The following BBX variants were observed in gnomAD, a reference collection of about 807,000 sequenced individuals.
The protein encoded by BBX is BBX high mobility group box domain containing, also known as HMG box transcription factor BBX.
A neutral mutation model predicts 100.2 loss-of-function variants in BBX; 30 were observed. That is an observed-to-expected ratio of 0.30 (90% CI 0.22 to 0.41). The LOEUF is 0.41. BBX is among the 10% of genes least tolerant of loss of function. BBX has a pLI of 1.00. For synonymous variants in BBX, 376 were observed against 388.1 expected (o/e 0.97, Z 0.37); for missense variants, 1,023 against 1,129.8 (o/e 0.91, Z 1.35).
intron 2 of BBX, among the ~76,000 whole-genome samples, chr3:107,641,481 C>T (rs929667450): frequency 6.6e-6 from 1 of 152,220 alleles, no homozygotes; most frequent in African/African-American, 2.4e-5. Flanking sequence ...AAGGGCCCAT[C>T]TGAACCAATG....
intron 10 of BBX, among the ~76,000 whole-genome samples, chr3:107,768,030 T>C (rs911435703): frequency 6.6e-6 from 1 of 152,198 alleles, no homozygotes; most frequent in Non-Finnish European, 1.5e-5. Context: ...ACCTGTCCCA[T>C]GGGCTTCAGT....
At chr3:107,799,563 A>G (rs189149414) in intron 16 of BBX, among the ~76,000 whole-genome samples, 10 of 152,168 alleles carry the variant, frequency 6.6e-5, no homozygotes, top group Non-Finnish European at 1.0e-4. Flanking sequence ...TAAAGATACT[A>G]GATGAATCAG....
intron 10 of BBX, among the ~76,000 whole-genome samples, chr3:107,762,534 G>A (rs1052170231): frequency 3.9e-5 from 6 of 152,310 alleles, no homozygotes; most frequent in Admixed American, 3.3e-4. Flanking sequence ...TGGGAGAAAT[G>A]CACATCCTGA....
At chr3:107,599,011 C>G (rs1342562840) in intron 2 of BBX, among the ~76,000 whole-genome samples, 1 of 152,016 alleles carries the variant, frequency 6.6e-6, no homozygotes, top group Non-Finnish European at 1.5e-5. Context: ...ATTAACAGGT[C>G]AGAGTAGAGG....
chr3:107,698,957 G>T (rs1414561549), intron 3 of BBX, among the ~76,000 whole-genome samples: 1 of 151,760 alleles, frequency 6.6e-6, no homozygotes, highest in Non-Finnish European at 1.5e-5. Flanking sequence ...AGAAAAGAAG[G>T]ATGGTGAACA....
intron 2 of BBX, among the ~76,000 whole-genome samples, chr3:107,577,940 A>G (rs1369514577): frequency 6.6e-6 from 1 of 152,236 alleles, no homozygotes; most frequent in Non-Finnish European, 1.5e-5. Context: ...AATAAGGCAA[A>G]GAAGTAGGGG....
At chr3:107,724,821 T>G (rs2062802638) in intron 5 of BBX, among the ~76,000 whole-genome samples, 1 of 152,210 alleles carries the variant, frequency 6.6e-6, no homozygotes, top group African/African-American at 2.4e-5. Flanking sequence ...CCTTGTAGTA[T>G]AGTTTGAAGT....
chr3:107,666,503 AAC>A (rs1367124706), intron 3 of BBX, among the ~76,000 whole-genome samples: 4 of 151,170 alleles, frequency 2.6e-5, no homozygotes, highest in African/African-American at 9.7e-5. Flanking sequence ...TATTTTTAAT[AAC>A]ACTAACTGAA....
At chr3:107,659,176 T>A (rs1013438549) in intron 3 of BBX, among the ~76,000 whole-genome samples, 1 of 151,884 alleles carries the variant, frequency 6.6e-6, no homozygotes, top group African/African-American at 2.4e-5. Context: ...GTAGGCATAT[T>A]TTCCCCCAAC....
chr3:107,696,957 A>G (rs997658901), intron 3 of BBX, among the ~76,000 whole-genome samples: 15 of 151,590 alleles, frequency 9.9e-5, no homozygotes, highest in Non-Finnish European at 1.9e-4. Flanking sequence ...TTCATCTTCC[A>G]TCACTGATAC....
intron 2 of BBX, among the ~76,000 whole-genome samples, chr3:107,612,060 T>G (rs889674499): frequency 6.6e-6 from 1 of 152,136 alleles, no homozygotes; most frequent in South Asian, 2.1e-4. Flanking sequence ...AGATTTTTGT[T>G]TGATTCTTTT....
At chr3:107,703,993 G>A (rs1373431838) in intron 3 of BBX, among the ~76,000 whole-genome samples, 1 of 152,188 alleles carries the variant, frequency 6.6e-6, no homozygotes, top group Non-Finnish European at 1.5e-5. Flanking sequence ...GCAGATTGAA[G>A]AGCTTTGTAT....
intron 3 of BBX, among the ~76,000 whole-genome samples, chr3:107,672,496 G>C (rs1359214028): frequency 6.6e-6 from 1 of 152,010 alleles, no homozygotes; most frequent in Non-Finnish European, 1.5e-5. Context: ...TATTTTTGAA[G>C]CTGTGTTGTA....
At chr3:107,547,436 A>G (rs1247660534) in intron 2 of BBX, among the ~76,000 whole-genome samples, 4 of 152,162 alleles carry the variant, frequency 2.6e-5, no homozygotes, top group Non-Finnish European at 2.9e-5. Flanking sequence ...ATGAGCATTC[A>G]TGAATGAATG....
intron 7 of BBX, among the ~76,000 whole-genome samples, chr3:107,743,258 G>C (rs1286838510): frequency 1.3e-5 from 2 of 151,950 alleles, no homozygotes; most frequent in Admixed American, 6.6e-5. Flanking sequence ...CAGAGAAGTT[G>C]ATTTTTTTAA....
At chr3:107,697,534 T>C (rs956169553) in intron 3 of BBX, among the ~76,000 whole-genome samples, 2 of 151,910 alleles carry the variant, frequency 1.3e-5, no homozygotes, top group Non-Finnish European at 2.9e-5. Context: ...GGGACCCACT[T>C]GAGGAGGCAG....
intron 2 of BBX, among the ~76,000 whole-genome samples, chr3:107,539,657 A>G (rs1017152604): frequency 6.6e-6 from 1 of 152,206 alleles, no homozygotes; most frequent in Non-Finnish European, 1.5e-5. Flanking sequence ...ACATTTCTTT[A>G]TAAATTATAT....
At chr3:107,639,233 C>A (rs777314230) in intron 2 of BBX, among the ~76,000 whole-genome samples, 1 of 152,054 alleles carries the variant, frequency 6.6e-6, no homozygotes, top group South Asian at 2.1e-4. Context: ...TTATTGCTGA[C>A]GTGAAAGGAG....
At position 107,555,906 on chromosome 3, in the gene BBX, A is replaced by G. The variant is rs188462713; in HGVS notation, c.-84+29508A>G. Among the ~76,000 whole-genome samples, 5 of 152,352 alleles carry G rather than the reference A, an allele frequency of 3.3e-5. No individual in the cohort carries two copies. In the East Asian group the frequency reaches 7.7e-4, roughly 23 times the overall value. Reference sequence around the variant, plus strand: ...AGAACTGTTATAAACTGTTGTCCTCAGAAAAGATAATAGAAAATACATATT... The same window carrying G: ...AGAACTGTTATAAACTGTTGTCCTCGGAAAAGATAATAGAAAATACATATT... On this transcript the variant is annotated intron_variant, in intron 2 of 17. Coordinates refer to ENST00000325805, the MANE Select transcript of BBX (RefSeq NM_001142568.3).
Sources: allele counts gnomAD v4.1 joint callset (sites outside exome capture counted in the v4.1 genomes callset), GRCh38; gene constraint gnomAD v4.1.1; transcripts MANE v1.5; gene names NCBI Gene and HGNC (gene_info 2026-07-23, HGNC 2026-07-21).